CEACAM3: variants seen among roughly 807,000 people sequenced by gnomAD.
The protein encoded by CEACAM3 is cell adhesion molecule CEACAM3.
Under a neutral mutation model 30.1 loss-of-function variants are expected in CEACAM3, and 32 were observed. The ratio of observed to expected loss-of-function variants is 1.06; its 90% CI spans 0.80 to 1.43. The LOEUF (loss-of-function observed/expected upper bound fraction) is 1.43. Among genes scored for constraint, CEACAM3 ranks in the 40% most tolerant of loss-of-function variants. The pLI is 0.00. For missense variants in CEACAM3, 290 were observed against 316.3 expected (o/e 0.92, Z 0.63); for synonymous variants, 134 against 127.2 (o/e 1.05, Z -0.36).
chr19:41,796,802 C>T (rs1426158017), intron 1 of CEACAM3, 61 bp downstream of exon 1: 4 of 1,548,846 alleles, frequency 2.6e-6, no homozygotes, highest in Non-Finnish European at 2.6e-6. Context: ...GCTGGGGTCT[C>T]CTGGGGAGGA....
intron 2 of CEACAM3, among the ~76,000 whole-genome samples, chr19:41,808,133 C>T (rs2073218337): frequency 1.3e-5 from 2 of 152,182 alleles, no homozygotes; most frequent in African/African-American, 4.8e-5. Context: ...TGGACACAAG[C>T]AAATCCCAAA....
At position 41,796,752 on chromosome 19, in the gene CEACAM3, G is replaced by A; in HGVS notation, c.64+11G>A. On this transcript the variant is annotated intron_variant, in intron 1 of 6. Coordinates refer to ENST00000357396, the MANE Select transcript of CEACAM3 (RefSeq NM_001815.5). ...GGCTTCTGCTCACAGGTGAGTGGAG[G>A]ATTCCTGGGAGTGGGCAAGAGGAGG... 6.2e-7 allele frequency: 1 copy of A among 1,609,588 alleles called. No individual in the cohort carries two copies.
intron 2 of CEACAM3, among the ~76,000 whole-genome samples, chr19:41,800,070 G>A (rs1275577982): frequency 6.6e-6 from 1 of 152,116 alleles, no homozygotes; most frequent in Non-Finnish European, 1.5e-5. Flanking sequence ...AACAAGAAAA[G>A]TTATACCAGA....
At chr19:41,803,474 T>G (rs1343284445) in intron 2 of CEACAM3, among the ~76,000 whole-genome samples, 26 of 147,716 alleles carry the variant, frequency 1.8e-4, no homozygotes, top group South Asian at 1.7e-3. Flanking sequence ...TTGTTTGTTT[T>G]TTTTTTTTTT....
intron 4 of CEACAM3, 28 bp downstream of exon 4, chr19:41,810,045 C>T (rs1555827365): frequency 6.2e-7 from 1 of 1,609,990 alleles, no homozygotes; most frequent in Admixed American, 1.7e-5. Context: ...CCAGGTGTGG[C>T]TGGGAACCCC....
intron 2 of CEACAM3, among the ~76,000 whole-genome samples, chr19:41,802,820 G>A (rs782035732): frequency 1.3e-5 from 2 of 152,146 alleles, no homozygotes; most frequent in African/African-American, 4.8e-5. Context: ...AGCCTAACTG[G>A]CCTGGCAGTG....
intron 1 of CEACAM3, 124 bp from the exon 2 acceptor site, chr19:41,797,465 C>A: frequency 7.7e-7 from 1 of 1,297,988 alleles, no homozygotes; most frequent in Non-Finnish European, 1.1e-6. Context: ...CTGACCTTGA[C>A]CAAGTGGGAC....
In CEACAM3 at chr19:41,809,964, G is replaced by A; in HGVS notation, c.543-1G>A. 1 of 1,613,836 alleles carries A rather than the reference G, an allele frequency of 6.2e-7. No individual in the cohort carries two copies. Among genetic ancestry groups the A allele is most frequent in the Non-Finnish European group, 8.5e-7 (1 of 1,179,852 alleles). ...TCCCAAATGACCCTGACCTTTCCTA[G>A]AACCAGCATCCAGCGTGACCTCAAG... On this transcript the variant is annotated splice_acceptor_variant, in intron 3 of 6. Coordinates refer to ENST00000357396, the MANE Select transcript of CEACAM3 (RefSeq NM_001815.5). LOFTEE classifies it high-confidence loss of function.
intron 2 of CEACAM3, among the ~76,000 whole-genome samples, chr19:41,801,374 C>T (rs1267557841): frequency 1.3e-5 from 2 of 152,230 alleles, no homozygotes; most frequent in Admixed American, 6.5e-5. Context: ...GGCTCTTTCC[C>T]TTCTTGAGGC....
intron 2 of CEACAM3, chr19:41,807,641 A>T: frequency 8.4e-7 from 1 of 1,186,662 alleles, no homozygotes; most frequent in South Asian, 1.7e-5. Flanking sequence ...ACCCAGACTC[A>T]GTGGACAGAT....
At chr19:41,806,229 C>A (rs1391068702) in intron 2 of CEACAM3, among the ~76,000 whole-genome samples, 1 of 152,094 alleles carries the variant, frequency 6.6e-6, no homozygotes. Flanking sequence ...GGTTTTTCGC[C>A]ATGTTGGTCA....
At chr19:41,805,564 C>T (rs984722156) in intron 2 of CEACAM3, among the ~76,000 whole-genome samples, 1 of 152,192 alleles carries the variant, frequency 6.6e-6, no homozygotes, top group East Asian at 1.9e-4. Flanking sequence ...GCTGGGATTA[C>T]AGGCATGAGC....
At position 41,811,440 on chromosome 19, in the gene CEACAM3, G is replaced by A; in HGVS notation, c.*203G>A. The A allele has an allele frequency of 1.8e-6, 1 of 569,328 alleles. No homozygotes were observed. Among genetic ancestry groups the A allele is most frequent in the South Asian group, 2.2e-5 (1 of 45,586 alleles). The allele number at this position is 569,328 out of a possible 1,614,324, so 35.3% of individuals were successfully genotyped here. On this transcript the variant is annotated 3_prime_UTR_variant, in exon 7 of 7. Transcript: ENST00000357396. ...CCTGCCCTAGGCCCTGGGTGGGTCA[G>A]GACAAAGGCCTCTCATCACCGCAGA...
chr19:41,810,833 T>C lies in CEACAM3; in HGVS notation c.629T>C (p.Met210Thr), dbSNP rs2073243644. 1 of 1,612,306 alleles carries C rather than the reference T, an allele frequency of 6.2e-7. No homozygotes were observed. Among genetic ancestry groups the C allele is most frequent in the Admixed American group, 1.7e-5 (1 of 59,684 alleles). The change falls in exon 6 of 7, where the codon ATG becomes ACG. Residue 210 changes from methionine to threonine, a missense_variant and splice_region_variant. Physicochemically the swap from Met to Thr is moderately conservative, Grantham distance 81. Transcript: ENST00000357396. ...RGPSHSSAFSMSPLSTAQAPL... is the reference protein window; with the variant it reads ...RGPSHSSAFSTSPLSTAQAPL... ...ATGACCCTCCCTCCCTGTCCACAGA[T>C]GTCCCCTCTCTCCACTGCCCAGGCC...
In CEACAM3 at chr19:41,809,983, C is replaced by T. The variant is rs781984432; in HGVS notation, c.561C>T (p.Asp187=). Residue 187 remains aspartate (D), a synonymous_variant, in exon 4 of 7, where the codon GAC becomes GAT. Coordinates refer to ENST00000357396, the MANE Select transcript of CEACAM3 (RefSeq NM_001815.5). ...TTCCTAGAACCAGCATCCAGCGTGACCTCAAGGAGCAGCAGCCCCAAGCCC... is the reference window on the plus strand; with the variant it reads ...TTCCTAGAACCAGCATCCAGCGTGATCTCAAGGAGCAGCAGCCCCAAGCCC... ...AKTGRTSIQR[D]LKEQQPQALA... 3.7e-6 allele frequency: 6 copies of T among 1,613,970 alleles called. No individual in the cohort carries two copies. The highest frequency in any genetic ancestry group is 4.2e-6 in the Non-Finnish European group (5 of 1,179,908).
chr19:41,807,361 C>T, intron 2 of CEACAM3: 1 of 1,605,586 alleles, frequency 6.2e-7, no homozygotes, highest in Non-Finnish European at 8.5e-7. Context: ...GTGCCAGCTA[C>T]AGTGACCCAG....
At chr19:41,801,114 C>T (rs2073142916) in intron 2 of CEACAM3, among the ~76,000 whole-genome samples, 1 of 152,158 alleles carries the variant, frequency 6.6e-6, no homozygotes, top group Non-Finnish European at 1.5e-5. Flanking sequence ...CCTTATCTTC[C>T]TCCCCTTTCA....
chr19:41,804,407 C>T (rs1414861426), intron 2 of CEACAM3, among the ~76,000 whole-genome samples: 2 of 152,158 alleles, frequency 1.3e-5, no homozygotes, highest in Non-Finnish European at 2.9e-5. Flanking sequence ...AGTTGTGTTT[C>T]CTGAGGCGTA....
In CEACAM3 at chr19:41,803,630, C is replaced by A. The variant is rs540063042; in HGVS notation, c.425-5183C>A. Among the ~76,000 whole-genome samples the A allele has an allele frequency of 5.3e-5, 8 of 152,074 alleles. No individual in the cohort carries two copies. The South Asian group carries it at 1.7e-3, about 32-fold the overall frequency. The stretch of plus-strand genomic sequence containing the variant: ...CACAGGCGCCCGCCACCATGCCCGG[C>A]TAATTTTTTGTATTTTTAGTAGAGA... On this transcript the variant is annotated intron_variant, in intron 2 of 6. Coordinates refer to ENST00000357396, the MANE Select transcript of CEACAM3 (RefSeq NM_001815.5).
Sources: gnomAD v4.1 joint callset for allele counts (sites outside exome capture counted in the v4.1 genomes callset) on GRCh38, gnomAD v4.1.1 for gene constraint, MANE v1.5 for transcripts, NCBI Gene and HGNC (gene_info 2026-07-23, HGNC 2026-07-21) for gene names.